Variants in ZFYVE27 observed in about 807,000 individuals in gnomAD.
The protein encoded by ZFYVE27 is zinc finger FYVE-type containing 27.
Under a neutral mutation model 52.8 loss-of-function variants are expected in ZFYVE27, and 36 were observed. The ratio of observed to expected loss-of-function variants is 0.68; its 90% CI spans 0.52 to 0.90. The LOEUF is 0.90. ZFYVE27 is among the 40% of genes least tolerant of loss of function. The pLI is 0.00. For missense variants in ZFYVE27, 450 were observed against 527.2 expected (o/e 0.85, Z 1.43); for synonymous variants, 223 against 215.6 (o/e 1.03, Z -0.30).
At position 97,759,519 on chromosome 10, in the gene ZFYVE27, A is replaced by G. The variant is rs1321723394; in HGVS notation, c.*219A>G. The G allele has an allele frequency of 3.2e-6, 2 of 626,814 alleles. No homozygotes were observed. Among genetic ancestry groups the G allele is most frequent in the African/African-American group, 1.8e-5 (1 of 55,476 alleles). 38.8% of individuals were successfully genotyped at this position (626,814 alleles called of 1,614,324 possible). A position where few individuals can be genotyped will look rare whatever the true frequency, so the allele number is the denominator to read the frequency against. ...GGCTGCTCTCAATCCCTTGAGGGAG[A>G]AGAGCCCCTGGAGGGCCTGGCATGT... On this transcript the variant is annotated 3_prime_UTR_variant, in exon 13 of 13. Coordinates refer to ENST00000684270, the MANE Select transcript of ZFYVE27 (RefSeq NM_001385875.1).
chr10:97,739,893 T>G (rs375365841), intron 2 of ZFYVE27, among the ~76,000 whole-genome samples: 1 of 118,994 alleles, frequency 8.4e-6, no homozygotes. Flanking sequence ...GTGTTTTTTT[T>G]TTTTTTTGCA....
chr10:97,744,738 A>G lies in ZFYVE27; in HGVS notation c.278A>G (p.Tyr93Cys), dbSNP rs935958054. 2 of 1,613,712 alleles carry G rather than the reference A, an allele frequency of 1.2e-6. No homozygotes were observed. ...LFLTLNEGAW[Y>C]SVGALMISVP... ...GTTTTTGATTCTGCAGGTGCATGGTACTCAGTAGGTGCCCTGATGATTTCA... is the reference window on the plus strand; with the variant it reads ...GTTTTTGATTCTGCAGGTGCATGGTGCTCAGTAGGTGCCCTGATGATTTCA... The change falls in exon 4 of 13, where the codon TAC becomes TGC. Residue 93 changes from tyrosine to cysteine, a missense_variant. Tyr to Cys is a radical substitution (Grantham distance 194, BLOSUM62 -2). Coordinates refer to ENST00000684270, the MANE Select transcript of ZFYVE27 (RefSeq NM_001385875.1).
At chr10:97,741,008 C>A (rs2043475548) in intron 2 of ZFYVE27, among the ~76,000 whole-genome samples, 1 of 152,124 alleles carries the variant, frequency 6.6e-6, no homozygotes, top group Non-Finnish European at 1.5e-5. Context: ...GCTTTTATTT[C>A]GCTTTTACCC....
intron 3 of ZFYVE27, among the ~76,000 whole-genome samples, chr10:97,744,089 C>T (rs2044502891): frequency 6.6e-6 from 1 of 152,148 alleles, no homozygotes; most frequent in African/African-American, 2.4e-5. Context: ...CTCATCTTTA[C>T]CTGTTCAAAA....
At chr10:97,756,059 A>G (rs930766475) in intron 10 of ZFYVE27, among the ~76,000 whole-genome samples, 15 of 152,050 alleles carry the variant, frequency 9.9e-5, no homozygotes, top group African/African-American at 3.1e-4. Flanking sequence ...TGGCCCTGAC[A>G]TTCCATTCAG....
chr10:97,740,468 A>G (rs2135934690), intron 2 of ZFYVE27, among the ~76,000 whole-genome samples: 1 of 152,362 alleles, frequency 6.6e-6, no homozygotes, highest in East Asian at 1.9e-4. Context: ...CCCCCGGCAC[A>G]TTCTTTGTAT....
chr10:97,741,277 AT>A (rs1589997265), intron 2 of ZFYVE27, among the ~76,000 whole-genome samples: 3 of 152,194 alleles, frequency 2.0e-5, no homozygotes, highest in Non-Finnish European at 4.4e-5. Context: ...TATCCAAAAG[AT>A]TATAAATCAT....
At chr10:97,753,697 G>A (rs559447447) in intron 10 of ZFYVE27, among the ~76,000 whole-genome samples, 1 of 152,296 alleles carries the variant, frequency 6.6e-6, no homozygotes, top group East Asian at 1.9e-4. Context: ...CTTACGAAGG[G>A]CTAGCACAGT....
chr10:97,755,636 T>A (rs1485043151), intron 10 of ZFYVE27, among the ~76,000 whole-genome samples: 1 of 152,122 alleles, frequency 6.6e-6, no homozygotes, highest in African/African-American at 2.4e-5. Flanking sequence ...GGATTCCACA[T>A]GTGAATGTTA....
chr10:97,755,970 T>A (rs773727068), intron 10 of ZFYVE27, among the ~76,000 whole-genome samples: 17 of 152,126 alleles, frequency 1.1e-4, no homozygotes, highest in Non-Finnish European at 2.1e-4. Flanking sequence ...TGCTCTCAGC[T>A]CCCAGAGCCC....
intron 7 of ZFYVE27, 138 bp from the exon 8 acceptor site, chr10:97,751,253 G>A (rs1161608561): frequency 1.7e-5 from 16 of 963,610 alleles, no homozygotes; most frequent in Non-Finnish European, 2.5e-5. Flanking sequence ...GCTCCTTCCT[G>A]TGAGTTCCTT....
chr10:97,743,045 C>G, intron 2 of ZFYVE27, 49 bp from the exon 3 acceptor site: 2 of 1,597,966 alleles, frequency 1.3e-6, no homozygotes, highest in Non-Finnish European at 1.7e-6. Flanking sequence ...CTCCCCTCCC[C>G]AGCTGGAGGA....
intron 2 of ZFYVE27, among the ~76,000 whole-genome samples, chr10:97,741,783 CT>C (rs1205987196): frequency 4.6e-5 from 7 of 152,170 alleles, no homozygotes; most frequent in Admixed American, 4.6e-4. Flanking sequence ...AGTAAAAGCC[CT>C]GCATGAATTA....
intron 7 of ZFYVE27, 64 bp from the exon 8 acceptor site, chr10:97,751,327 G>T (rs764701350): frequency 3.8e-6 from 6 of 1,574,298 alleles, no homozygotes; most frequent in Non-Finnish European, 5.2e-6. Flanking sequence ...TGGGGAGGTG[G>T]TCCTCTGCCT....
intron 2 of ZFYVE27, among the ~76,000 whole-genome samples, chr10:97,742,134 GAAAAAA>G (rs796122082): frequency 1.3e-5 from 1 of 75,202 alleles, no homozygotes. Context: ...TGTCTCAAAA[GAAAAAA>G]AAAAAAAAAA....
intron 10 of ZFYVE27, 142 bp downstream of exon 10, chr10:97,753,324 C>T: frequency 2.3e-6 from 3 of 1,314,416 alleles, no homozygotes; most frequent in Non-Finnish European, 3.1e-6. Flanking sequence ...GAAGGTGTGT[C>T]CGCGGGACCC....
At chr10:97,757,903 A>T (rs1395552192) in intron 12 of ZFYVE27, 180 bp downstream of exon 12, 1 of 603,342 alleles carries the variant, frequency 1.7e-6, no homozygotes, top group East Asian at 2.8e-5. Context: ...GCCGAAGAAT[A>T]GATATGATGT....
chr10:97,753,488 A>G (rs576308370), intron 10 of ZFYVE27, among the ~76,000 whole-genome samples: 1 of 152,310 alleles, frequency 6.6e-6, no homozygotes, highest in African/African-American at 2.4e-5. Flanking sequence ...TAATCCTGAC[A>G]GAACTTCAGA....
At chr10:97,746,937 T>G (rs2045603200) in intron 4 of ZFYVE27, among the ~76,000 whole-genome samples, 1 of 152,216 alleles carries the variant, frequency 6.6e-6, no homozygotes. Context: ...GCAATCCTCC[T>G]GCTTCAGCCT....
Sources: gnomAD v4.1 joint callset for allele counts (sites outside exome capture counted in the v4.1 genomes callset) on GRCh38, gnomAD v4.1.1 for gene constraint, MANE v1.5 for transcripts, NCBI Gene and HGNC (gene_info 2026-07-23, HGNC 2026-07-21) for gene names.